The following CLIP4 variants were observed in gnomAD, a reference collection of about 807,000 sequenced individuals.
The protein encoded by CLIP4 is CAP-Gly domain containing linker protein family member 4.
In CLIP4, 47 loss-of-function variants were observed where a neutral mutation model predicts 73.1. That is an observed-to-expected ratio of 0.64 (90% CI 0.51 to 0.82). The LOEUF is 0.82. Ranked by LOEUF, CLIP4 falls within the 40% of genes least tolerant of loss-of-function variation. CLIP4 has a pLI of 0.00. For missense variants in CLIP4, 874 were observed against 852.9 expected (o/e 1.02, Z -0.31); for synonymous variants, 306 against 295.4 (o/e 1.04, Z -0.37).
intron 9 of CLIP4, among the ~76,000 whole-genome samples, chr2:29,153,917 G>A (rs540220229): frequency 4.6e-5 from 7 of 152,088 alleles, no homozygotes; most frequent in African/African-American, 9.7e-5. Flanking sequence ...TCACCCTTCC[G>A]TATACATTTT....
At chr2:29,174,163 G>T (rs1039008490) in intron 14 of CLIP4, among the ~76,000 whole-genome samples, 1 of 151,684 alleles carries the variant, frequency 6.6e-6, no homozygotes, top group Non-Finnish European at 1.5e-5. Context: ...CTATTGCCCA[G>T]GCTGGTCTTG....
In CLIP4 at chr2:29,162,439, AAATT is replaced by A. The variant is rs149072209; in HGVS notation, c.1535-1389_1535-1386del. On this transcript the variant is annotated intron_variant, in intron 12 of 15. Transcript: ENST00000320081. ...TTTTATCAGTGCCACCTTGGAAAGA[AAATT>A]AACATTTAAATGGGAAGATATCCAT... Among the ~76,000 whole-genome samples, 644 of 152,298 alleles carry A rather than the reference AAATT, an allele frequency of 4.2e-3. 7 individuals are homozygous for A. Among genetic ancestry groups the A allele is most frequent in the African/African-American group, 0.015 (616 of 41,538 alleles).
chr2:29,099,541 A>G (rs932763068), intron 1 of CLIP4, among the ~76,000 whole-genome samples: 1 of 152,160 alleles, frequency 6.6e-6, no homozygotes, highest in African/African-American at 2.4e-5. Context: ...TGAGCCCTTT[A>G]TTAGATTCCA....
intron 4 of CLIP4, among the ~76,000 whole-genome samples, chr2:29,133,232 C>A (rs1319092336): frequency 6.6e-6 from 1 of 152,070 alleles, no homozygotes; most frequent in East Asian, 1.9e-4. Context: ...TTTCAGTTAA[C>A]ATAATGAGAA....
chr2:29,163,809 A>G, intron 12 of CLIP4, 22 bp from the exon 13 acceptor site: 3 of 1,604,484 alleles, frequency 1.9e-6, no homozygotes, highest in Non-Finnish European at 2.5e-6. Context: ...GATGCTTTTG[A>G]AATGCAATAT....
At chr2:29,108,001 T>A (rs56267915) in intron 1 of CLIP4, among the ~76,000 whole-genome samples, 3,476 of 152,218 alleles carry the variant, frequency 0.023, 139 homozygotes, top group African/African-American at 0.08. Context: ...TTTCTTTTTT[T>A]TTTTTAAAGC....
chr2:29,173,497 C>G (rs2148102214), intron 14 of CLIP4, among the ~76,000 whole-genome samples: 1 of 152,246 alleles, frequency 6.6e-6, no homozygotes, highest in Non-Finnish European at 1.5e-5. Flanking sequence ...AGGTGAAAGC[C>G]CAGGTTCTCT....
At chr2:29,127,561 A>G (rs558188663) in intron 2 of CLIP4, among the ~76,000 whole-genome samples, 4 of 152,192 alleles carry the variant, frequency 2.6e-5, no homozygotes, top group African/African-American at 4.8e-5. Flanking sequence ...TCAAAGACAT[A>G]AAAATTATAA....
At chr2:29,100,756 C>T (rs768405164) in intron 1 of CLIP4, among the ~76,000 whole-genome samples, 3 of 151,726 alleles carry the variant, frequency 2.0e-5, no homozygotes, top group Non-Finnish European at 4.4e-5. Flanking sequence ...TGCAAGGTTA[C>T]AGAGGCAGGA....
intron 9 of CLIP4, among the ~76,000 whole-genome samples, chr2:29,153,824 A>G (rs761841927): frequency 6.6e-6 from 1 of 152,190 alleles, no homozygotes; most frequent in Non-Finnish European, 1.5e-5. Flanking sequence ...AGTAGTTTTT[A>G]AAAATAAATC....
chr2:29,138,408 TGTA>T (rs777146984), intron 6 of CLIP4, among the ~76,000 whole-genome samples: 7 of 152,166 alleles, frequency 4.6e-5, no homozygotes, highest in Non-Finnish European at 7.4e-5. Context: ...ACTGGAGTCT[TGTA>T]GTATAATTTT....
At chr2:29,173,754 A>T (rs569165774) in intron 14 of CLIP4, among the ~76,000 whole-genome samples, 2 of 152,288 alleles carry the variant, frequency 1.3e-5, no homozygotes, top group South Asian at 4.1e-4. Context: ...CATCTTTTTA[A>T]AAATTTACCT....
At chr2:29,177,617 G>A (rs146092675) in intron 15 of CLIP4, among the ~76,000 whole-genome samples, 305 of 151,944 alleles carry the variant, frequency 2.0e-3, no homozygotes, top group African/African-American at 7.0e-3. Context: ...CTCAGATGAC[G>A]ATCTCTGCGT....
chr2:29,108,887 G>C (rs1385839968), intron 1 of CLIP4, among the ~76,000 whole-genome samples: 2 of 152,106 alleles, frequency 1.3e-5, no homozygotes, highest in Non-Finnish European at 2.9e-5. Context: ...ACATTTGTTT[G>C]TCTGAATCCA....
Position 29,160,368 on chromosome 2 carries a change from A to G in CLIP4, c.1435A>G (p.Ser479Gly). The G allele has an allele frequency of 1.2e-6, 2 of 1,614,118 alleles. No individual in the cohort carries two copies. The highest frequency in any genetic ancestry group is 8.5e-7 in the Non-Finnish European group (1 of 1,180,002). ...CTCAGCAACATCTACAGCAAATAAT[A>G]GCCGTTGCGAGGGGGAACTCCGCCT... ...NSSATSTANNSRCEGELRLGE... is the reference protein window; with the variant it reads ...NSSATSTANNGRCEGELRLGE... The change falls in exon 12 of 16, where the codon AGC (serine) becomes GGC (glycine). Residue 479 changes from serine (S) to glycine (G), a missense_variant. Coordinates refer to ENST00000320081, the MANE Select transcript of CLIP4 (RefSeq NM_024692.6).
At chr2:29,157,165 T>G in intron 10 of CLIP4, 39 bp from the exon 11 acceptor site, 1 of 1,587,418 alleles carries the variant, frequency 6.3e-7, no homozygotes, top group Non-Finnish European at 8.6e-7. Context: ...GGTCCACATC[T>G]TATTTTCCAC....
chr2:29,098,385 C>T (rs894644386), intron 1 of CLIP4, among the ~76,000 whole-genome samples: 2 of 152,214 alleles, frequency 1.3e-5, no homozygotes, highest in Non-Finnish European at 1.5e-5. Context: ...TTAAAAGTCT[C>T]CTGTGCTCCA....
intron 1 of CLIP4, among the ~76,000 whole-genome samples, chr2:29,101,286 TCC>T (rs372203318): frequency 5.0e-5 from 5 of 99,104 alleles, no homozygotes; most frequent in Admixed American, 2.3e-4. Flanking sequence ...TTTTTTTTTT[TCC>T]CCCCCCCAAA....
chr2:29,098,469 C>G (rs1667943071), intron 1 of CLIP4, among the ~76,000 whole-genome samples: 1 of 152,252 alleles, frequency 6.6e-6, no homozygotes, highest in Admixed American at 6.5e-5. Context: ...TTGTTTCACA[C>G]AGCTTTTTCA....
Sources: gnomAD v4.1 joint callset for allele counts (sites outside exome capture counted in the v4.1 genomes callset) on GRCh38, gnomAD v4.1.1 for gene constraint, MANE v1.5 for transcripts, NCBI Gene and HGNC (gene_info 2026-07-23, HGNC 2026-07-21) for gene names.